The following LSG1 variants were observed in gnomAD, a reference collection of about 807,000 sequenced individuals.
LSG1 encodes the protein large 60S subunit nuclear export GTPase 1.
LSG1 carries 55 observed loss-of-function variants against 82.6 expected under a neutral mutation model. That is an observed-to-expected ratio of 0.67 (90% confidence interval 0.54 to 0.83). The LOEUF (loss-of-function observed/expected upper bound fraction) is 0.83. LSG1 is among the 40% of genes least tolerant of loss of function. LSG1 has a pLI of 0.00. For synonymous variants in LSG1, 272 were observed against 282.5 expected (o/e 0.96, Z 0.37); for missense variants, 809 against 807.9 (o/e 1.00, Z -0.02).
In LSG1 at chr3:194,650,935, G is replaced by C. The variant is rs147626898; in HGVS notation, c.1365C>G (p.Cys455Trp). 1 of 1,614,190 alleles carries C rather than the reference G, an allele frequency of 6.2e-7. No individual in the cohort carries two copies. Among genetic ancestry groups the C allele is most frequent in the African/African-American group, 1.3e-5 (1 of 75,054 alleles). ...SFVSTKAEMT[C>W]SGILPIDQMR... ...TCTGATCAATTGGGAGGATTCCGCTGCAAGTCATTTCTGCCTTGGTAGACA... is the reference window on the plus strand; with the variant it reads ...TCTGATCAATTGGGAGGATTCCGCTCCAAGTCATTTCTGCCTTGGTAGACA... The change falls in exon 10 of 14, where the codon TGC becomes TGG. Residue 455 changes from cysteine (C) to tryptophan (W), a missense_variant. Cys to Trp is a radical substitution (Grantham distance 215). Transcript: ENST00000265245.
At chr3:194,660,887 C>G (rs1354361944) in intron 5 of LSG1, 1 of 456,636 alleles carries the variant, frequency 2.2e-6, no homozygotes, top group Non-Finnish European at 4.4e-6. Flanking sequence ...GTGTCCAGCA[C>G]TGCAAGGAGA....
chr3:194,650,902 A>G lies in LSG1; in HGVS notation c.1398T>C (p.Asp466=), dbSNP rs1718659465. Residue 466 remains aspartate, a synonymous_variant, in exon 10 of 14, where the codon GAT becomes GAC. Coordinates refer to ENST00000265245, the MANE Select transcript of LSG1 (RefSeq NM_018385.3). ...ATATTAGTGATACAGGAGGAACATG[A>G]TCTCTCATCTGATCAATTGGGAGGA... ...SGILPIDQMR[D]HVPPVSLVCQ... 6.2e-7 allele frequency: 1 copy of G among 1,613,756 alleles called. No individual in the cohort carries two copies. The highest frequency in any genetic ancestry group is 8.5e-7 in the Non-Finnish European group (1 of 1,179,868).
intron 2 of LSG1, among the ~76,000 whole-genome samples, chr3:194,667,837 C>T (rs1489569663): frequency 2.1e-5 from 3 of 146,122 alleles, no homozygotes; most frequent in South Asian, 2.2e-4. Flanking sequence ...GCAGGAGAAC[C>T]GCTTGAACCT....
At chr3:194,645,589 C>CAGACAG (rs1718530766) in intron 12 of LSG1, among the ~76,000 whole-genome samples, 4 of 93,338 alleles carry the variant, frequency 4.3e-5, no homozygotes, top group Middle Eastern at 6.0e-3. Context: ...CACACACACA[C>CAGACAG]ACACACACAC....
intron 7 of LSG1, among the ~76,000 whole-genome samples, chr3:194,654,917 C>A (rs561810913): frequency 8.5e-5 from 13 of 152,140 alleles, no homozygotes; most frequent in Non-Finnish European, 1.5e-5. Context: ...AGAACATTCA[C>A]GTTTTTCAAA....
intron 7 of LSG1, among the ~76,000 whole-genome samples, chr3:194,653,967 A>G (rs1718741068): frequency 6.6e-6 from 1 of 152,258 alleles, no homozygotes; most frequent in South Asian, 2.1e-4. Context: ...TCTTGACAGT[A>G]CGTTATTTTG....
chr3:194,659,239 A>G (rs1463112073), intron 6 of LSG1, 106 bp from the exon 7 acceptor site: 18 of 811,040 alleles, frequency 2.2e-5, no homozygotes, highest in Non-Finnish European at 3.6e-5. Context: ...CTAGTTTTAA[A>G]TCATTTCCTA....
In LSG1 at chr3:194,644,498, T is replaced by C. The variant is rs959610689; in HGVS notation, c.1797+75A>G. On this transcript the variant is annotated intron_variant, in intron 13 of 13. Transcript: ENST00000265245. ...TTTTGGGGTTAATAAAATGTGTTTA[T>C]GGCATGTGATACTCAATAAAGCTGT... 4 of 1,096,358 alleles carry C rather than the reference T, an allele frequency of 3.6e-6. No individual in the cohort carries two copies. In the Admixed American group the frequency reaches 1.0e-4, roughly 27 times the overall value. 67.9% of individuals were successfully genotyped at this position (1,096,358 alleles called of 1,614,324 possible).
At position 194,645,557 on chromosome 3, in the gene LSG1, CACACACACACACAG is replaced by C. The variant is rs1560219775; in HGVS notation, c.1623+593_1623+606del. On this transcript the variant is annotated intron_variant, in intron 12 of 13. Transcript: ENST00000265245. ...ACAGACACACACACACACACACACA[CACACACACACACAG>C]ACAGACACACACACACACACACACA... is the stretch of plus-strand genomic sequence containing the variant. 5.2e-4 allele frequency among the ~76,000 whole-genome samples: 29 copies of C among 55,984 alleles called. 3 individuals are homozygous for C. The highest frequency in any genetic ancestry group is 2.4e-3 in the East Asian group (3 of 1,268). 36.7% of individuals were successfully genotyped at this position (55,984 alleles called of 152,430 possible).
chr3:194,650,630 T>G (rs1718654328), intron 10 of LSG1: 3 of 366,980 alleles, frequency 8.2e-6, no homozygotes, highest in Non-Finnish European at 4.9e-6. Context: ...TACATGGCAT[T>G]GTTAAATAGG....
At chr3:194,647,663 C>T (rs139668555) in intron 11 of LSG1, among the ~76,000 whole-genome samples, 197 of 152,250 alleles carry the variant, frequency 1.3e-3, no homozygotes, top group African/African-American at 4.5e-3. Flanking sequence ...TCAGTTGTAT[C>T]GGAAGTACAA....
Position 194,671,089 on chromosome 3 carries a change from C to A in LSG1, c.100-954G>T, listed in dbSNP as rs145675078. 3.3e-5 allele frequency among the ~76,000 whole-genome samples: 5 copies of A among 152,240 alleles called. No individual in the cohort carries two copies. In the East Asian group the frequency reaches 9.6e-4, roughly 29 times the overall value. On this transcript the variant is annotated intron_variant, in intron 1 of 13. Coordinates refer to ENST00000265245, the MANE Select transcript of LSG1 (RefSeq NM_018385.3). The stretch of plus-strand genomic sequence containing the variant: ...CTAGCCTGGGTGACAGAGTGTGACC[C>A]TGTCTCTAAAAATGAATAACTGAAT...
chr3:194,643,425 T>C (rs1577249371), intron 13 of LSG1, among the ~76,000 whole-genome samples: 1 of 152,284 alleles, frequency 6.6e-6, no homozygotes, highest in East Asian at 1.9e-4. Flanking sequence ...AAAATATACA[T>C]GTGCCAACGA....
At chr3:194,662,439 T>C (rs73890196) in intron 5 of LSG1, among the ~76,000 whole-genome samples, 11,743 of 152,258 alleles carry the variant, frequency 0.077, 507 homozygotes, top group Admixed American at 0.11. Context: ...CTCCTGCCCC[T>C]TTCCTGGCAG....
rs572614522 is a variant in LSG1, at chr3:194,641,763, G to A, written c.*305C>T. 125 of 198,946 alleles carry A rather than the reference G, an allele frequency of 6.3e-4. No individual in the cohort carries two copies. Among genetic ancestry groups the A allele is most frequent in the Non-Finnish European group, 6.2e-4 (61 of 98,578 alleles). 12.3% of individuals were successfully genotyped at this position (198,946 alleles called of 1,614,324 possible). On this transcript the variant is annotated 3_prime_UTR_variant, in exon 14 of 14. Coordinates refer to ENST00000265245, the MANE Select transcript of LSG1 (RefSeq NM_018385.3). ...CGAGTAGCTGGGATTACAGGTGCGC[G>A]CCACCACGCCTGGCTAATTTTTTTG... is the stretch of plus-strand genomic sequence containing the variant.
intron 13 of LSG1, among the ~76,000 whole-genome samples, chr3:194,643,030 A>T (rs1444446941): frequency 6.6e-6 from 1 of 152,266 alleles, no homozygotes; most frequent in Non-Finnish European, 1.5e-5. Flanking sequence ...CACGGGATAA[A>T]TACAAAAACA....
At position 194,651,203 on chromosome 3, in the gene LSG1, T is replaced by C; in HGVS notation, c.1187A>G (p.Asn396Ser). 6.2e-7 allele frequency: 1 copy of C among 1,613,770 alleles called. No homozygotes were observed. Among genetic ancestry groups the C allele is most frequent in the Non-Finnish European group, 8.5e-7 (1 of 1,179,682 alleles). Residue 396 changes from asparagine to serine, a missense_variant, in exon 9 of 14, where the codon AAT (asparagine) becomes AGT (serine). Asn to Ser is a conservative substitution (Grantham distance 46). Coordinates refer to ENST00000265245, the MANE Select transcript of LSG1 (RefSeq NM_018385.3). ...QLTVGLVGYP[N>S]VGKSSTINTI... ...GTTGATTGTTGAACTCTTACCAACA[T>C]TAGGGTAGCCCACCTAGAAGAGACT...
chr3:194,665,085 G>A (rs1719005496), intron 5 of LSG1, among the ~76,000 whole-genome samples: 1 of 152,142 alleles, frequency 6.6e-6, no homozygotes, highest in Admixed American at 6.5e-5. Context: ...TACGTATTAA[G>A]TTTTCTGAGT....
intron 4 of LSG1, among the ~76,000 whole-genome samples, chr3:194,665,985 G>A (rs1030022831): frequency 3.9e-5 from 6 of 152,190 alleles, no homozygotes; most frequent in African/African-American, 1.2e-4. Flanking sequence ...GAAAAGGCCC[G>A]GAACTGAGCA....
Sources: allele counts gnomAD v4.1 joint callset (sites outside exome capture counted in the v4.1 genomes callset), GRCh38; gene constraint gnomAD v4.1.1; transcripts MANE v1.5; gene names NCBI Gene and HGNC (gene_info 2026-07-23, HGNC 2026-07-21).